ADAM17: variants seen among roughly 807,000 people sequenced by gnomAD.
ADAM17 encodes ADAM metallopeptidase domain 17.
ADAM17 carries 39 observed loss-of-function variants against 96.7 expected under a neutral mutation model. That is an observed-to-expected ratio of 0.40 (90% CI 0.31 to 0.53). The LOEUF (loss-of-function observed/expected upper bound fraction) is 0.53. Among genes scored for constraint, ADAM17 ranks in the 20% least tolerant of loss-of-function variants. The pLI is 0.44. For synonymous variants in ADAM17, 344 were observed against 359.2 expected (o/e 0.96, Z 0.48); for missense variants, 777 against 1,013.2 (o/e 0.77, Z 3.17).
chr2:9,534,844 T>C (rs1664897200), intron 4 of ADAM17, among the ~76,000 whole-genome samples: 1 of 152,194 alleles, frequency 6.6e-6, no homozygotes, highest in South Asian at 2.1e-4. Context: ...AATAAATTGA[T>C]TTGAAAGAAC....
chr2:9,502,413 C>T (rs1439874030), intron 12 of ADAM17, 137 bp from the exon 13 acceptor site: 15 of 687,766 alleles, frequency 2.2e-5, no homozygotes, highest in African/African-American at 3.6e-5. Flanking sequence ...CCTACATCAT[C>T]AGACATCTCC....
At position 9,518,231 on chromosome 2, in the gene ADAM17, A is replaced by C; in HGVS notation, c.974T>G (p.Ile325Arg). Residue 325 changes from isoleucine to arginine, a missense_variant, in exon 9 of 19, where the codon ATA becomes AGA. Coordinates refer to ENST00000310823, the MANE Select transcript of ADAM17 (RefSeq NM_003183.6). ...KMLLEQFSFD[I>R]AEEASKVCLA... ...GCAAACTTTAGATGCTTCCTCAGCTATATCAAAGCTAAATTGCTTTGAAAG... is the reference window on the plus strand; with the variant it reads ...GCAAACTTTAGATGCTTCCTCAGCTCTATCAAAGCTAAATTGCTTTGAAAG... 6.7e-7 allele frequency: 1 copy of C among 1,497,916 alleles called. No individual in the cohort carries two copies. The highest frequency in any genetic ancestry group is 8.9e-7 in the Non-Finnish European group (1 of 1,119,840). The allele number at this position is 1,497,916 out of a possible 1,614,324, so 92.8% of individuals were successfully genotyped here. A position where few individuals can be genotyped will look rare whatever the true frequency, so the allele number is the denominator to read the frequency against.
chr2:9,550,539 G>A (rs968354593), intron 1 of ADAM17, among the ~76,000 whole-genome samples: 9 of 148,230 alleles, frequency 6.1e-5, no homozygotes, highest in Non-Finnish European at 8.9e-5. Flanking sequence ...TCTGCCTCCC[G>A]GGTTCAAGCA....
intron 11 of ADAM17, among the ~76,000 whole-genome samples, chr2:9,506,016 C>T (rs1057020693): frequency 2.0e-5 from 3 of 152,178 alleles, no homozygotes; most frequent in African/African-American, 7.2e-5. Context: ...TACAGAACCA[C>T]TAGGATAACT....
At chr2:9,514,685 AACACAGTGAAACCCCGTCTCT>A (rs1663967651) in intron 10 of ADAM17, among the ~76,000 whole-genome samples, 1 of 150,972 alleles carries the variant, frequency 6.6e-6, no homozygotes, top group Non-Finnish European at 1.5e-5. Flanking sequence ...CATCCTGGCT[AACACAGTGAAACCCCGTCTCT>A]ACTAAAAATA....
intron 14 of ADAM17, among the ~76,000 whole-genome samples, chr2:9,495,860 CT>C (rs34087915): frequency 0.25 from 35,197 of 138,556 alleles, 4,748 homozygotes; most frequent in Middle Eastern, 0.33. Flanking sequence ...TACGTGTTAC[CT>C]TTTTTTTTTT....
chr2:9,522,419 G>C (rs1278499658), intron 7 of ADAM17: 1 of 599,504 alleles, frequency 1.7e-6, no homozygotes, highest in Admixed American at 2.2e-5. Context: ...CTGTGTACAT[G>C]TTACCTATTC....
intron 2 of ADAM17, among the ~76,000 whole-genome samples, chr2:9,537,916 G>A (rs1178848940): frequency 5.0e-5 from 2 of 39,628 alleles, no homozygotes; most frequent in Non-Finnish European, 1.1e-4. Context: ...AGAGGGGGAG[G>A]AGAGGGGAGG....
intron 1 of ADAM17, among the ~76,000 whole-genome samples, chr2:9,543,909 T>C (rs1266733478): frequency 6.6e-6 from 1 of 152,204 alleles, no homozygotes; most frequent in African/African-American, 2.4e-5. Flanking sequence ...GCTAGAAGAC[T>C]TGTAATATTC....
chr2:9,526,391 T>C, intron 5 of ADAM17, 147 bp from the exon 6 acceptor site: 2 of 840,474 alleles, frequency 2.4e-6, no homozygotes, highest in Non-Finnish European at 3.5e-6. Context: ...AAAAAATAAT[T>C]TGGAGGAAGA....
intron 1 of ADAM17, 47 bp from the exon 2 acceptor site, chr2:9,543,332 A>G (rs761732966): frequency 1.4e-6 from 2 of 1,460,758 alleles, no homozygotes; most frequent in Admixed American, 2.3e-5. Flanking sequence ...CTAATAATCA[A>G]TTGTAGTATC....
chr2:9,514,563 ATATAT>A (rs1403253011), intron 10 of ADAM17, among the ~76,000 whole-genome samples: 9 of 101,468 alleles, frequency 8.9e-5, no homozygotes, highest in South Asian at 3.1e-4. Flanking sequence ...ATATATATAT[ATATAT>A]AAATAAAAAG....
intron 13 of ADAM17, among the ~76,000 whole-genome samples, chr2:9,498,056 G>T (rs1179049275): frequency 6.6e-6 from 1 of 152,002 alleles, no homozygotes; most frequent in Non-Finnish European, 1.5e-5. Flanking sequence ...TTGAGACAGG[G>T]TCTCAGTCTG....
intron 1 of ADAM17, among the ~76,000 whole-genome samples, chr2:9,545,710 T>G (rs1233078610): frequency 6.6e-6 from 1 of 152,146 alleles, no homozygotes; most frequent in Non-Finnish European, 1.5e-5. Context: ...GATGGTAAAT[T>G]AGTAACTGTG....
At chr2:9,547,362 G>C (rs1403038315) in intron 1 of ADAM17, among the ~76,000 whole-genome samples, 1 of 152,142 alleles carries the variant, frequency 6.6e-6, no homozygotes, top group Non-Finnish European at 1.5e-5. Flanking sequence ...CTGGAGGAAA[G>C]ACCAAAATTA....
chr2:9,490,617 G>C (rs1662054515), intron 18 of ADAM17, 99 bp from the exon 19 acceptor site: 2 of 1,268,180 alleles, frequency 1.6e-6, no homozygotes, highest in South Asian at 1.5e-5. Flanking sequence ...TTATTCTGTT[G>C]GCACTGTGAT....
intron 4 of ADAM17, among the ~76,000 whole-genome samples, chr2:9,532,441 ATCTGATGAGTAT>A (rs1206081175): frequency 6.6e-6 from 1 of 152,116 alleles, no homozygotes; most frequent in Non-Finnish European, 1.5e-5. Context: ...CCCTCAAGGT[ATCTGATGAGTAT>A]ACTTGTAAGT....
intron 1 of ADAM17, among the ~76,000 whole-genome samples, chr2:9,546,468 C>T (rs75740412): frequency 1.4e-3 from 217 of 152,272 alleles, no homozygotes; most frequent in African/African-American, 5.0e-3. Flanking sequence ...TAACAAGTAA[C>T]CTCTCAGGTA....
chr2:9,502,879 CAAAAAAAA>C (rs758081961), intron 12 of ADAM17, among the ~76,000 whole-genome samples: 3 of 43,594 alleles, frequency 6.9e-5, no homozygotes, highest in Admixed American at 3.5e-4. Flanking sequence ...AATTCTGTCT[CAAAAAAAA>C]AAAAAAAAAA....
Sources: gnomAD v4.1 joint callset for allele counts (sites outside exome capture counted in the v4.1 genomes callset) on GRCh38, gnomAD v4.1.1 for gene constraint, MANE v1.5 for transcripts, NCBI Gene and HGNC (gene_info 2026-07-23, HGNC 2026-07-21) for gene names.